TBC1D5: variants seen among roughly 807,000 people sequenced by gnomAD.
TBC1D5 encodes TBC1 domain family, member 5.
In TBC1D5, 75 loss-of-function variants were observed where a neutral mutation model predicts 100.3. The observed-to-expected ratio is 0.75, with a 90% CI of 0.62 to 0.91. The LOEUF (loss-of-function observed/expected upper bound fraction) is 0.91. Ranked by LOEUF, TBC1D5 falls within the 40% of genes least tolerant of loss-of-function variation. The pLI, the probability that TBC1D5 is intolerant of heterozygous loss-of-function variation, is 0.00. For synonymous variants in TBC1D5, 323 were observed against 325.6 expected (o/e 0.99, Z 0.09); for missense variants, 910 against 942.4 (o/e 0.97, Z 0.45).
intron 17 of TBC1D5, among the ~76,000 whole-genome samples, chr3:17,218,601 T>C (rs1272100023): frequency 6.6e-6 from 1 of 152,044 alleles, no homozygotes; most frequent in Admixed American, 6.6e-5. Flanking sequence ...TTTACTAGTA[T>C]TGAATACTCT....
chr3:17,626,854 G>A (rs1260274449), intron 1 of TBC1D5, among the ~76,000 whole-genome samples: 3 of 152,110 alleles, frequency 2.0e-5, no homozygotes, highest in Admixed American at 1.3e-4. Flanking sequence ...GGCCAGTGGA[G>A]GAAAAAACTA....
chr3:17,166,846 T>C, exon 21 of TBC1D5: 1 of 1,614,242 alleles, frequency 6.2e-7, no homozygotes, highest in East Asian at 2.2e-5. Context: ...GTAGTGGTTG[T>C]CCGCAATGGT....
chr3:17,471,948 G>A lies in TBC1D5; in HGVS notation c.97+36526C>T, dbSNP rs147624129. On this transcript the variant is annotated intron_variant, in intron 3 of 21. Coordinates refer to ENST00000253692, the Ensembl canonical transcript of TBC1D5. ...AACATGAGCAGAGTTACCACATGAC[G>A]AAATCTACCCTTTAACATACTAAAA... Among the ~76,000 whole-genome samples, 253 of 152,190 alleles carry A rather than the reference G, an allele frequency of 1.7e-3. 3 individuals are homozygous for A. The highest frequency in any genetic ancestry group is 0.012 in the East Asian group (61 of 5,190).
intron 13 of TBC1D5, among the ~76,000 whole-genome samples, chr3:17,338,286 G>A (rs1182265862): frequency 1.3e-5 from 2 of 152,162 alleles, no homozygotes; most frequent in Non-Finnish European, 2.9e-5. Context: ...CTTTAGTTAA[G>A]GAATGCAATA....
chr3:17,255,672 G>A (rs1309966832), intron 16 of TBC1D5, among the ~76,000 whole-genome samples: 4 of 152,006 alleles, frequency 2.6e-5, no homozygotes, highest in African/African-American at 7.3e-5. Flanking sequence ...TCCATTAGTT[G>A]TTCCTTTGTG....
At chr3:17,655,853 C>A (rs879840898) in intron 1 of TBC1D5, among the ~76,000 whole-genome samples, 1 of 152,144 alleles carries the variant, frequency 6.6e-6, no homozygotes, top group African/African-American at 2.4e-5. Flanking sequence ...AGAAGTGATA[C>A]AGACATTTAA....
At chr3:17,433,989 C>T (rs947988441) in intron 3 of TBC1D5, among the ~76,000 whole-genome samples, 1 of 152,196 alleles carries the variant, frequency 6.6e-6, no homozygotes, top group African/African-American at 2.4e-5. Context: ...TGTCTCACAT[C>T]TATGTCACAC....
At chr3:17,702,801 C>T (rs1412890356) in intron 1 of TBC1D5, among the ~76,000 whole-genome samples, 1 of 152,008 alleles carries the variant, frequency 6.6e-6, no homozygotes. Context: ...AAAAAGCTGG[C>T]CTGAGTGATT....
chr3:17,238,926 AAT>A (rs1475040694), intron 16 of TBC1D5, among the ~76,000 whole-genome samples: 1 of 152,172 alleles, frequency 6.6e-6, no homozygotes, highest in African/African-American at 2.4e-5. Context: ...TGATTTTGAA[AAT>A]ATATATGTCT....
chr3:17,635,984 G>A (rs2063880157), intron 1 of TBC1D5, among the ~76,000 whole-genome samples: 1 of 152,048 alleles, frequency 6.6e-6, no homozygotes, highest in South Asian at 2.1e-4. Flanking sequence ...CTTGAGGTCA[G>A]GAGTTCAAGA....
intron 1 of TBC1D5, among the ~76,000 whole-genome samples, chr3:17,646,324 C>T (rs1462578014): frequency 6.6e-6 from 1 of 152,106 alleles, no homozygotes; most frequent in Non-Finnish European, 1.5e-5. Context: ...GTCTCTAGAA[C>T]TGAAACAATA....
chr3:17,713,070 G>A (rs1335565471), intron 1 of TBC1D5, among the ~76,000 whole-genome samples: 3 of 152,008 alleles, frequency 2.0e-5, no homozygotes, highest in East Asian at 1.9e-4. Flanking sequence ...TGACGAGGTC[G>A]TCTCCTGGTT....
chr3:17,522,215 G>A (rs752127504), intron 2 of TBC1D5, among the ~76,000 whole-genome samples: 24 of 152,048 alleles, frequency 1.6e-4, no homozygotes, highest in African/African-American at 5.6e-4. Flanking sequence ...CAGAATCCAC[G>A]TTGACTGTAA....
chr3:17,250,148 T>A (rs528324224), intron 16 of TBC1D5, among the ~76,000 whole-genome samples: 5 of 152,214 alleles, frequency 3.3e-5, no homozygotes, highest in Admixed American at 1.3e-4. Context: ...CAGTTAGAAT[T>A]GCCCTTGACT....
intron 3 of TBC1D5, among the ~76,000 whole-genome samples, chr3:17,431,927 T>G (rs932511835): frequency 6.6e-6 from 1 of 152,146 alleles, no homozygotes; most frequent in Admixed American, 6.5e-5. Flanking sequence ...AGGTTTACAA[T>G]AGATTTCTGT....
intron 13 of TBC1D5, among the ~76,000 whole-genome samples, chr3:17,346,040 G>A (rs1428892328): frequency 6.6e-6 from 1 of 151,966 alleles, no homozygotes; most frequent in Non-Finnish European, 1.5e-5. Flanking sequence ...TGCACATTGT[G>A]CACATGTACC....
intron 1 of TBC1D5, among the ~76,000 whole-genome samples, chr3:17,655,342 A>T (rs2065959026): frequency 6.6e-6 from 1 of 151,100 alleles, no homozygotes; most frequent in Admixed American, 6.6e-5. Flanking sequence ...GCTTTAGGAG[A>T]TATACCTAAT....
intron 1 of TBC1D5, among the ~76,000 whole-genome samples, chr3:17,652,509 G>T (rs1374143280): frequency 6.6e-6 from 1 of 152,050 alleles, no homozygotes; most frequent in Non-Finnish European, 1.5e-5. Context: ...TCTAAATAAG[G>T]ACAAAATGCA....
intron 1 of TBC1D5, among the ~76,000 whole-genome samples, chr3:17,696,520 G>T (rs998018565): frequency 1.3e-5 from 2 of 152,028 alleles, no homozygotes; most frequent in Non-Finnish European, 2.9e-5. Context: ...TGAATTCCTG[G>T]ATACATACAA....
Sources: allele counts gnomAD v4.1 joint callset (sites outside exome capture counted in the v4.1 genomes callset), GRCh38; gene constraint gnomAD v4.1.1; transcripts MANE v1.5; gene names NCBI Gene and HGNC (gene_info 2026-07-23, HGNC 2026-07-21).